TRAPPC9: variants seen among roughly 807,000 people sequenced by gnomAD.
TRAPPC9 encodes the protein IKK2 binding protein.
Under a neutral mutation model 124.0 loss-of-function variants are expected in TRAPPC9, and 83 were observed. The observed-to-expected ratio is 0.67, with a 90% CI of 0.56 to 0.80. The LOEUF (loss-of-function observed/expected upper bound fraction) is 0.80. TRAPPC9 is among the 30% of genes least tolerant of loss of function. TRAPPC9 has a pLI of 0.00. For missense variants in TRAPPC9, 1,302 were observed against 1,508.3 expected (o/e 0.86, Z 2.27); for synonymous variants, 638 against 617.5 (o/e 1.03, Z -0.49).
intron 18 of TRAPPC9, among the ~76,000 whole-genome samples, chr8:139,997,272 G>A (rs964886892): frequency 6.6e-6 from 1 of 151,942 alleles, no homozygotes; most frequent in Non-Finnish European, 1.5e-5. Flanking sequence ...CCTCACAGGG[G>A]AGACAATGCA....
intron 21 of TRAPPC9, among the ~76,000 whole-genome samples, chr8:139,759,199 G>A (rs1433842162): frequency 1.3e-5 from 2 of 152,208 alleles, no homozygotes; most frequent in East Asian, 3.9e-4. Flanking sequence ...CATAGGGAAT[G>A]GCAGAGCTGG....
At chr8:139,909,204 T>C (rs1478279994) in intron 20 of TRAPPC9, among the ~76,000 whole-genome samples, 2 of 152,148 alleles carry the variant, frequency 1.3e-5, no homozygotes, top group Non-Finnish European at 2.9e-5. Flanking sequence ...ATGACTGAGA[T>C]CATTAACAGA....
intron 15 of TRAPPC9, among the ~76,000 whole-genome samples, chr8:140,266,564 A>AAC (rs56327331): frequency 0.63 from 95,793 of 151,308 alleles, 30,770 homozygotes; most frequent in East Asian, 0.75. Flanking sequence ...GTGGGTTATA[A>AAC]ACTCATCTCT....
intron 17 of TRAPPC9, among the ~76,000 whole-genome samples, chr8:140,129,362 G>A (rs531389146): frequency 6.6e-6 from 1 of 152,146 alleles, no homozygotes; most frequent in Non-Finnish European, 1.5e-5. Context: ...ATCCGTGTGT[G>A]AGACCTCAGG....
At chr8:139,755,302 T>G (rs1465830314) in intron 21 of TRAPPC9, among the ~76,000 whole-genome samples, 113 of 130,658 alleles carry the variant, frequency 8.6e-4, no homozygotes, top group East Asian at 1.7e-3. Flanking sequence ...AGCCAGGGAT[T>G]GGGGATGAGG....
intron 2 of TRAPPC9, among the ~76,000 whole-genome samples, chr8:140,448,631 C>T (rs1271959636): frequency 6.6e-6 from 1 of 152,232 alleles, no homozygotes; most frequent in African/African-American, 2.4e-5. Flanking sequence ...AGCTTCAACC[C>T]CTCACCCCTT....
At chr8:140,108,067 C>A (rs941822857) in intron 17 of TRAPPC9, among the ~76,000 whole-genome samples, 1 of 144,166 alleles carries the variant, frequency 6.9e-6, no homozygotes, top group Non-Finnish European at 1.5e-5. Flanking sequence ...GGGTGATATC[C>A]GAACTCACAA....
intron 21 of TRAPPC9, among the ~76,000 whole-genome samples, chr8:139,863,315 G>A (rs1421551312): frequency 6.6e-6 from 1 of 152,228 alleles, no homozygotes; most frequent in Non-Finnish European, 1.5e-5. Context: ...GAGACGGAAA[G>A]GGCCAAAGGA....
intron 5 of TRAPPC9, among the ~76,000 whole-genome samples, chr8:140,411,299 G>A (rs866616773): frequency 2.0e-5 from 3 of 152,168 alleles, no homozygotes; most frequent in South Asian, 2.1e-4. Flanking sequence ...AAAAACGTCC[G>A]ATTCCAGAGC....
At chr8:139,905,221 T>C (rs1358311765) in intron 20 of TRAPPC9, among the ~76,000 whole-genome samples, 1 of 150,916 alleles carries the variant, frequency 6.6e-6, no homozygotes, top group African/African-American at 2.4e-5. Context: ...CATGCTCTTA[T>C]CAAGCAGGAG....
At chr8:140,394,762 A>G (rs898077655) in intron 7 of TRAPPC9, among the ~76,000 whole-genome samples, 3 of 152,118 alleles carry the variant, frequency 2.0e-5, no homozygotes, top group African/African-American at 7.2e-5. Context: ...ACCCAGCCAC[A>G]TGTTTACACC....
chr8:140,242,864 A>G (rs1450402771), intron 16 of TRAPPC9, among the ~76,000 whole-genome samples: 2 of 152,222 alleles, frequency 1.3e-5, no homozygotes, highest in Non-Finnish European at 2.9e-5. Flanking sequence ...GCGTCTCCCA[A>G]GGATGAGTAA....
At position 140,254,983 on chromosome 8, in the gene TRAPPC9, G is replaced by A. The variant is rs2064214917; in HGVS notation, c.2279-2054C>T. Among the ~76,000 whole-genome samples, 3 of 152,204 alleles carry A rather than the reference G, an allele frequency of 2.0e-5. No individual in the cohort carries two copies. In the South Asian group the frequency reaches 6.2e-4, roughly 32 times the overall value. On this transcript the variant is annotated intron_variant, in intron 15 of 22. Coordinates refer to ENST00000438773, the MANE Select transcript of TRAPPC9 (RefSeq NM_001160372.4). Reference sequence around the variant, plus strand: ...CCCCATGAAAGAAAAAAGATACGTGGTGTGCTAACTCCAGAACACGAGGAC... The same window carrying A: ...CCCCATGAAAGAAAAAAGATACGTGATGTGCTAACTCCAGAACACGAGGAC...
At chr8:140,200,268 G>A (rs1186428667) in intron 17 of TRAPPC9, among the ~76,000 whole-genome samples, 2 of 152,018 alleles carry the variant, frequency 1.3e-5, no homozygotes, top group Non-Finnish European at 2.9e-5. Context: ...TCCACTGAAC[G>A]GGCCTAGAAG....
At chr8:139,902,987 C>T (rs751520819) in intron 20 of TRAPPC9, among the ~76,000 whole-genome samples, 64 of 152,318 alleles carry the variant, frequency 4.2e-4, no homozygotes, top group Middle Eastern at 3.4e-3. Context: ...ACACCGCCGC[C>T]ACTGTGGAGC....
intron 1 of TRAPPC9, chr8:140,456,877 A>G: frequency 1.0e-6 from 1 of 977,440 alleles, no homozygotes; most frequent in Non-Finnish European, 1.2e-6. Flanking sequence ...GCATCCTAAC[A>G]CGGGAAAACT....
chr8:140,005,231 G>A (rs999366815), intron 18 of TRAPPC9, among the ~76,000 whole-genome samples: 4 of 152,078 alleles, frequency 2.6e-5, no homozygotes, highest in African/African-American at 9.7e-5. Flanking sequence ...CAAACCCTCA[G>A]CTCTAGATAA....
intron 9 of TRAPPC9, among the ~76,000 whole-genome samples, chr8:140,326,994 G>A (rs547856976): frequency 6.6e-6 from 1 of 152,232 alleles, no homozygotes; most frequent in African/African-American, 2.4e-5. Flanking sequence ...GCTCATGCCT[G>A]TAATCCCAGC....
chr8:140,328,166 A>G (rs758398574), intron 9 of TRAPPC9, among the ~76,000 whole-genome samples: 11 of 152,130 alleles, frequency 7.2e-5, no homozygotes, highest in Non-Finnish European at 1.0e-4. Context: ...CAGACAGAAG[A>G]ATCGCTTGAA....
Sources: allele counts gnomAD v4.1 joint callset (sites outside exome capture counted in the v4.1 genomes callset), GRCh38; gene constraint gnomAD v4.1.1; transcripts MANE v1.5; gene names NCBI Gene and HGNC (gene_info 2026-07-23, HGNC 2026-07-21).